Variants in ARHGEF40 observed in about 807,000 individuals in gnomAD.
The protein encoded by ARHGEF40 is Rho guanine nucleotide exchange factor (GEF) 40.
ARHGEF40 carries 98 observed loss-of-function variants against 165.9 expected under a neutral mutation model. That is an observed-to-expected ratio of 0.59 (90% CI 0.50 to 0.70). The LOEUF is 0.70. Ranked by LOEUF, ARHGEF40 falls within the 30% of genes least tolerant of loss-of-function variation. The pLI is 0.00. For missense variants in ARHGEF40, 1,815 were observed against 1,968.0 expected, an observed-to-expected ratio of 0.92 and a Z score of 1.47; for synonymous variants, 792 against 814.3, an observed-to-expected ratio of 0.97 and a Z score of 0.47.
rs1206431398 is a variant in ARHGEF40, at chr14:21,074,333, G to GC, written c.608dup (p.Glu204ArgfsTer16). ...TGGTTGGACATCAGCCAAGTACACT[G>GC]CCCCCAGAACTGCCCTCTGGACCTC... On this transcript the variant is annotated frameshift_variant, in exon 3 of 24. Coordinates refer to ENST00000298694, the MANE Select transcript of ARHGEF40 (RefSeq NM_018071.5). LOFTEE classifies it high-confidence loss of function. This position sits in a 1 kb window ranked among gnomAD's most constrained non-coding sequence, Gnocchi z 4.8. 6.2e-7 allele frequency: 1 copy of GC among 1,614,144 alleles called. No homozygotes were observed. Among genetic ancestry groups the GC allele is most frequent in the Admixed American group, 1.7e-5 (1 of 60,022 alleles).
chr14:21,081,344 C>T (rs79676212), intron 13 of ARHGEF40, 165 bp from the exon 14 acceptor site: 5 of 1,029,752 alleles, frequency 4.9e-6, no homozygotes, highest in Non-Finnish European at 5.6e-6. Context: ...ATACCAACTC[C>T]GAGTGACATG....
At position 21,087,040 on chromosome 14, in the gene ARHGEF40, A is replaced by G; in HGVS notation, c.4178A>G (p.Asn1393Ser). The G allele has an allele frequency of 6.2e-7, 1 of 1,606,088 alleles. No individual in the cohort carries two copies. The highest frequency in any genetic ancestry group is 8.5e-7 in the Non-Finnish European group (1 of 1,176,114). ...VQQMVSMGIG[N>S]KPFLDIKALG... ...CAGATGGTGTCCATGGGCATTGGGA[A>G]TAAACCCTTCCTGGACATCAAAGCC... Residue 1393 changes from asparagine (N) to serine (S), a missense_variant, in exon 20 of 24, where the codon AAT becomes AGT. Coordinates refer to ENST00000298694, the MANE Select transcript of ARHGEF40 (RefSeq NM_018071.5).
intron 5 of ARHGEF40, 32 bp from the exon 6 acceptor site, chr14:21,076,328 A>G (rs1000226191): frequency 1.3e-6 from 2 of 1,586,146 alleles, no homozygotes; most frequent in Admixed American, 1.7e-5. Context: ...ACACACACAC[A>G]GCAGCCTCCT....
chr14:21,070,427 TC>T lies in ARHGEF40; in HGVS notation c.3+32del. The T allele has an allele frequency of 1.4e-6, 2 of 1,401,406 alleles. No individual in the cohort carries two copies. Among genetic ancestry groups the T allele is most frequent in the South Asian group, 1.6e-5 (1 of 62,750 alleles). 86.8% of individuals were successfully genotyped at this position (1,401,406 alleles called of 1,614,324 possible). A position where few individuals can be genotyped will look rare whatever the true frequency, so the allele number is the denominator to read the frequency against. On this transcript the variant is annotated intron_variant, in intron 1 of 23. Transcript: ENST00000298694. This position sits in a 1 kb window ranked among gnomAD's most constrained non-coding sequence, Gnocchi z 4.7. ...GAGTCCAGCGTCGCAGCCCCCTGGG[TC>T]CCCTCGGCCTTCGCGCAGCCCGCTC...
chr14:21,078,314 G>A, intron 9 of ARHGEF40, 42 bp downstream of exon 9: 4 of 1,604,830 alleles, frequency 2.5e-6, no homozygotes, highest in Non-Finnish European at 3.4e-6. Context: ...GGATTGGGAT[G>A]GGGCTGGGGT....
chr14:21,078,617 C>G, intron 10 of ARHGEF40, 129 bp downstream of exon 10: 1 of 988,050 alleles, frequency 1.0e-6, no homozygotes, highest in Non-Finnish European at 1.5e-6. Flanking sequence ...TATGCTTTTA[C>G]ACTTACTGTC....
At chr14:21,068,922 G>A (rs139269715), upstream of ARHGEF40, among the ~76,000 whole-genome samples, 722 of 152,346 alleles carry the variant, frequency 4.7e-3, 8 homozygotes, top group African/African-American at 0.016. Context: ...AAGTCACCTT[G>A]GCGGCACCCC....
Position 21,074,770 on chromosome 14 carries a change from C to A in ARHGEF40, c.1040C>A (p.Ser347Tyr). The A allele has an allele frequency of 6.2e-7, 1 of 1,610,172 alleles. No homozygotes were observed. The highest frequency in any genetic ancestry group is 8.5e-7 in the Non-Finnish European group (1 of 1,178,762). The change falls in exon 3 of 24, where the codon TCT (serine) becomes TAT (tyrosine). Residue 347 changes from serine (S) to tyrosine (Y), a missense_variant. Ser to Tyr is a moderately radical substitution (Grantham distance 144). Coordinates refer to ENST00000298694, the MANE Select transcript of ARHGEF40 (RefSeq NM_018071.5). This position sits in a 1 kb window ranked among gnomAD's most constrained non-coding sequence, Gnocchi z 4.8. ...PAEAVGEASG[S>Y]CPLRPGELRG... is the part of the protein sequence containing the mutation. ...GAGGCTGTGGGAGAAGCCTCCGGAT[C>A]TTGCCCCCTGAGGCCAGGGGAGCTT...
rs1431164626 is a variant in ARHGEF40 at position 21,076,373 on chromosome 14, A to T, written c.1753A>T (p.Thr585Ser). Reference sequence around the variant, plus strand: ...CTGCTCCCGCAGGCCTGATCTACAGACACTGGGGCTGTCCGTCCTGCTGGA... The same window carrying T: ...CTGCTCCCGCAGGCCTGATCTACAGTCACTGGGGCTGTCCGTCCTGCTGGA... ...LHSLLRPDLQ[T>S]LGLSVLLDLR... Residue 585 changes from threonine (T) to serine (S), a missense_variant, in exon 6 of 24, where the codon ACA becomes TCA. Coordinates refer to ENST00000298694, the MANE Select transcript of ARHGEF40 (RefSeq NM_018071.5). 6.2e-7 allele frequency: 1 copy of T among 1,613,466 alleles called. No homozygotes were observed. Among genetic ancestry groups the T allele is most frequent in the East Asian group, 2.2e-5 (1 of 44,884 alleles).
intron 13 of ARHGEF40, chr14:21,081,241 G>A (rs1036546158): frequency 7.4e-6 from 6 of 815,554 alleles, no homozygotes; most frequent in African/African-American, 1.7e-5. Context: ...GGGATTACAC[G>A]AGGCAATACA....
chr14:21,072,918 C>A lies in ARHGEF40; in HGVS notation c.4-127C>A. Reference sequence around the variant, plus strand: ...CTCATCAGCCAGCATTTCCTGAGTGCTCACTTTTTGCCCACATTGTACAAT... The same window carrying A: ...CTCATCAGCCAGCATTTCCTGAGTGATCACTTTTTGCCCACATTGTACAAT... On this transcript the variant is annotated intron_variant, in intron 1 of 23. Transcript: ENST00000298694. The surrounding 1 kb of genome is among the most constrained non-coding windows in gnomAD (Gnocchi z 4.1). 1 of 966,240 alleles carries A rather than the reference C, an allele frequency of 1.0e-6. No individual in the cohort carries two copies. Among genetic ancestry groups the A allele is most frequent in the Non-Finnish European group, 1.6e-6 (1 of 642,226 alleles). 59.9% of individuals were successfully genotyped at this position (966,240 alleles called of 1,614,324 possible).
At position 21,074,781 on chromosome 14, in the gene ARHGEF40, A is replaced by T. The variant is rs769175953; in HGVS notation, c.1051A>T (p.Arg351Trp). The change falls in exon 3 of 24, where the codon AGG (arginine) becomes TGG (tryptophan). Residue 351 changes from arginine to tryptophan, a missense_variant. Transcript: ENST00000298694. This position sits in a 1 kb window ranked among gnomAD's most constrained non-coding sequence, Gnocchi z 4.8. ...AGAAGCCTCCGGATCTTGCCCCCTGAGGCCAGGGGAGCTTAGAGGAGGAGG... is the reference window on the plus strand; with the variant it reads ...AGAAGCCTCCGGATCTTGCCCCCTGTGGCCAGGGGAGCTTAGAGGAGGAGG... ...VGEASGSCPLRPGELRGGGGG... is the reference protein window; with the variant it reads ...VGEASGSCPLWPGELRGGGGG... 2 of 1,609,218 alleles carry T rather than the reference A, an allele frequency of 1.2e-6. No individual in the cohort carries two copies. The highest frequency in any genetic ancestry group is 8.5e-7 in the Non-Finnish European group (1 of 1,178,134).
chr14:21,077,279 A>AT (rs143561266), intron 8 of ARHGEF40, among the ~76,000 whole-genome samples: 8,682 of 108,488 alleles, frequency 0.08, 472 homozygotes, highest in African/African-American at 0.14. Flanking sequence ...TAGTTTTTGT[A>AT]TTTTTTTTTT....
the ARHGEF40 span, among the ~76,000 whole-genome samples, chr14:21,064,203 T>C: frequency 6.6e-6 from 1 of 152,226 alleles, no homozygotes; most frequent in Non-Finnish European, 1.5e-5. Flanking sequence ...CAAATCTTTT[T>C]ATACCTTTTC....
At chr14:21,068,365 C>T (rs1316391691), upstream of ARHGEF40, among the ~76,000 whole-genome samples, 1 of 151,894 alleles carries the variant, frequency 6.6e-6, no homozygotes, top group Non-Finnish European at 1.5e-5. Context: ...TTGTGGACCC[C>T]CATAGCCAGA....
At chr14:21,061,863 C>G in the ARHGEF40 span, among the ~76,000 whole-genome samples, 1 of 152,090 alleles carries the variant, frequency 6.6e-6, no homozygotes, top group Non-Finnish European at 1.5e-5. Context: ...ATTGAATCAT[C>G]CTATTTAGAA....
Position 21,075,054 on chromosome 14 carries a change from G to A in ARHGEF40, c.1324G>A (p.Glu442Lys), listed in dbSNP as rs781369315. The A allele has an allele frequency of 6.2e-7, 1 of 1,614,122 alleles. No homozygotes were observed. Among genetic ancestry groups the A allele is most frequent in the East Asian group, 2.2e-5 (1 of 44,884 alleles). Reference protein sequence around the residue: ...KEEYEGSGKPESEPKELKTAG... With the variant: ...KEEYEGSGKPKSEPKELKTAG... The stretch of plus-strand genomic sequence containing the variant: ...GGAATATGAAGGCTCAGGGAAGCCA[G>A]AATCTGAGCCAAAAGAGCTCAAAAC... Residue 442 changes from glutamate (E) to lysine (K), a missense_variant, in exon 3 of 24, where the codon GAA becomes AAA. Transcript: ENST00000298694. The surrounding 1 kb of genome is among the most constrained non-coding windows in gnomAD (Gnocchi z 4.5).
At chr14:21,087,142 T>C in intron 20 of ARHGEF40, 37 bp downstream of exon 20, 1 of 1,601,002 alleles carries the variant, frequency 6.2e-7, no homozygotes, top group Non-Finnish European at 8.5e-7. Context: ...CCCCCAGGAG[T>C]GAAGACCTTG....
At chr14:21,086,910 A>G (rs878951550) in intron 19 of ARHGEF40, 91 bp from the exon 20 acceptor site, 11,353 of 826,214 alleles carry the variant, frequency 0.014, 5 homozygotes, top group Admixed American at 0.027. Context: ...AAGGAACGAA[A>G]AAAAAAAAAA....
Sources: gnomAD v4.1 joint callset for allele counts (sites outside exome capture counted in the v4.1 genomes callset) on GRCh38, gnomAD v4.1.1 for gene constraint, Gnocchi (gnomAD v3.1) non-coding constraint, MANE v1.5 for transcripts, NCBI Gene and HGNC (gene_info 2026-07-23, HGNC 2026-07-21) for gene names.